The following IL13RA1 variants were observed in gnomAD, a reference collection of about 807,000 sequenced individuals.
IL13RA1 encodes the protein interleukin-13 receptor subunit alpha-1.
IL13RA1 carries 14 observed loss-of-function variants against 33.8 expected under a neutral mutation model. The ratio of observed to expected loss-of-function variants is 0.41; its 90% CI spans 0.27 to 0.65. The LOEUF (loss-of-function observed/expected upper bound fraction) is 0.65, where lower values mean the gene tolerates loss of function less well. IL13RA1 is among the 30% of genes least tolerant of loss of function. IL13RA1 has a pLI of 0.28. For synonymous variants in IL13RA1, 116 were observed against 115.7 expected, an observed-to-expected ratio of 1.00 and a Z score of -0.02; for missense variants, 313 against 327.0, an observed-to-expected ratio of 0.96 and a Z score of 0.33.
chrX:118,748,057 T>C (rs1043057682), intron 3 of IL13RA1, among the ~76,000 whole-genome samples: 5 of 101,201 alleles, frequency 4.9e-5, no homozygotes, highest in African/African-American at 1.4e-4. Context: ...AAAAAACATA[T>C]ATATATAACA....
At chrX:118,776,564 G>A (rs1391519871) in intron 10 of IL13RA1, 53 bp downstream of exon 10, 4 of 273,573 alleles carry the variant, frequency 1.5e-5, no homozygotes, top group Non-Finnish European at 1.9e-5. Flanking sequence ...TTTTTTTTTG[G>A]AAGCTATGGC....
chrX:118,766,591 A>G lies in IL13RA1; in HGVS notation c.876+14A>G. ...AGAAATGTGGAGGTCAGTAAATTCA[A>G]CATTAGCTATTTGGGTTTAGACTTA... On this transcript the variant is annotated intron_variant, in intron 7 of 10. Transcript: ENST00000371666. The G allele has an allele frequency of 1.0e-6, 1 of 972,871 alleles. No homozygotes were observed. Among genetic ancestry groups the G allele is most frequent in the Non-Finnish European group, 1.5e-6 (1 of 678,739 alleles). The allele number at this position is 972,871 out of a possible 1,213,427, so 80.2% of individuals were successfully genotyped here.
chrX:118,753,639 A>C (rs1443861140), intron 4 of IL13RA1, among the ~76,000 whole-genome samples: 1 of 113,062 alleles, frequency 8.8e-6, no homozygotes, highest in African/African-American at 3.2e-5. Flanking sequence ...CCATCCCCCC[A>C]TGTCAGCCTC....
intron 1 of IL13RA1, among the ~76,000 whole-genome samples, chrX:118,734,672 G>A (rs1229906663): frequency 4.5e-5 from 5 of 111,818 alleles, no homozygotes; most frequent in Non-Finnish European, 9.4e-5. Flanking sequence ...AATCCCACTT[G>A]GTCATGGTCT....
At chrX:118,768,034 CTT>C (rs1365032397) in intron 8 of IL13RA1, among the ~76,000 whole-genome samples, 4 of 111,573 alleles carry the variant, frequency 3.6e-5, no homozygotes, top group Non-Finnish European at 7.5e-5. Flanking sequence ...GGTAAAGTAA[CTT>C]TGAGGAGTCA....
intron 4 of IL13RA1, among the ~76,000 whole-genome samples, chrX:118,753,618 C>G (rs1019313051): frequency 1.8e-5 from 2 of 113,262 alleles, no homozygotes; most frequent in East Asian, 5.5e-4. Context: ...CTTCAACCAC[C>G]CAGGCCCAAG....
chrX:118,780,007 G>A (rs1301554144), intron 10 of IL13RA1, among the ~76,000 whole-genome samples: 3 of 111,776 alleles, frequency 2.7e-5, no homozygotes, highest in East Asian at 2.8e-4. Context: ...ATTTGGTGAC[G>A]CAAATATACT....
At chrX:118,740,023 G>A (rs1163219071) in intron 1 of IL13RA1, among the ~76,000 whole-genome samples, 3 of 112,053 alleles carry the variant, frequency 2.7e-5, no homozygotes, top group Non-Finnish European at 3.8e-5. Flanking sequence ...TCACTGCAGC[G>A]GCATGATCTT....
intron 8 of IL13RA1, among the ~76,000 whole-genome samples, chrX:118,771,674 T>A (rs1381228365): frequency 8.9e-6 from 1 of 112,350 alleles, no homozygotes; most frequent in African/African-American, 3.2e-5. Flanking sequence ...AATGAATTTT[T>A]AAAAAATCAC....
chrX:118,733,611 TTTAA>T (rs1159796429), intron 1 of IL13RA1, among the ~76,000 whole-genome samples: 1 of 112,064 alleles, frequency 8.9e-6, no homozygotes, highest in Non-Finnish European at 1.9e-5. Flanking sequence ...ATGCACACGT[TTTAA>T]TTTTTTCCAT....
At chrX:118,728,062 C>T (rs1019598293) in intron 1 of IL13RA1, among the ~76,000 whole-genome samples, 3 of 112,658 alleles carry the variant, frequency 2.7e-5, no homozygotes, top group Non-Finnish European at 5.6e-5. Context: ...GGCGGGGGGC[C>T]CGAAACATGC....
At position 118,793,389 on chromosome X, in the gene IL13RA1, G is replaced by C. The variant is rs1218609168; in HGVS notation, c.*1535G>C. On this transcript the variant is annotated 3_prime_UTR_variant, in exon 11 of 11. Transcript: ENST00000371666. ...CTATTTCTCTTTCTTTACAAGATGGGTCCAGGATTCCTCTTTTCTCTGCCA... is the reference window on the plus strand; with the variant it reads ...CTATTTCTCTTTCTTTACAAGATGGCTCCAGGATTCCTCTTTTCTCTGCCA... 8.9e-6 allele frequency: 1 copy of C among 112,009 alleles called. No homozygotes were observed. Among genetic ancestry groups the C allele is most frequent in the Non-Finnish European group, 1.9e-5 (1 of 53,191 alleles). The allele number at this position is 112,009 out of a possible 1,213,427, so 9.2% of individuals were successfully genotyped here.
At chrX:118,761,601 A>G (rs1176317979) in intron 6 of IL13RA1, 1 of 142,061 alleles carries the variant, frequency 7.0e-6, no homozygotes, top group Non-Finnish European at 1.4e-5. Flanking sequence ...TGCTAGGGAT[A>G]AGGCAGTGAA....
Position 118,741,096 on chromosome X carries a change from G to A in IL13RA1, c.168G>A (p.Glu56=). ...CTVIWTWNPP[E]GASSNCSLWY... Reference sequence around the variant, plus strand: ...TAATATGGACATGGAATCCACCCGAGGGAGCCAGCTCAAATTGTAGTCTAT... The same window carrying A: ...TAATATGGACATGGAATCCACCCGAAGGAGCCAGCTCAAATTGTAGTCTAT... The change falls in exon 2 of 11, where the codon GAG becomes GAA. Residue 56 remains glutamate (E), a synonymous_variant. Transcript: ENST00000371666. 8.7e-7 allele frequency: 1 copy of A among 1,146,500 alleles called. No individual in the cohort carries two copies. The allele number at this position is 1,146,500 out of a possible 1,213,427, so 94.5% of individuals were successfully genotyped here.
At chrX:118,799,174 A>G (rs1247409438), downstream of IL13RA1, among the ~76,000 whole-genome samples, 1 of 113,064 alleles carries the variant, frequency 8.8e-6, no homozygotes, top group African/African-American at 3.2e-5. Flanking sequence ...TTTCTCACCG[A>G]GCCTTAGCTG....
At chrX:118,778,474 C>T (rs766376150) in intron 10 of IL13RA1, among the ~76,000 whole-genome samples, 171 of 111,328 alleles carry the variant, frequency 1.5e-3, no homozygotes, top group African/African-American at 5.4e-3. Flanking sequence ...AGTTGAGTCA[C>T]AGTCAACTGG....
At chrX:118,761,747 G>T (rs1156278365) in intron 6 of IL13RA1, among the ~76,000 whole-genome samples, 1 of 111,882 alleles carries the variant, frequency 8.9e-6, no homozygotes, top group Non-Finnish European at 1.9e-5. Flanking sequence ...CTGGGAGAAC[G>T]AGAGGGAATA....
intron 8 of IL13RA1, chrX:118,770,552 C>T: frequency 1.9e-6 from 1 of 525,585 alleles, no homozygotes; most frequent in Non-Finnish European, 3.3e-6. Flanking sequence ...ATGCGCATGG[C>T]AGCGCTGCCC....
In IL13RA1 at chrX:118,758,189, A is replaced by G; in HGVS notation, c.623A>G (p.Asp208Gly). 5 of 1,134,671 alleles carry G rather than the reference A, an allele frequency of 4.4e-6. No individual in the cohort carries two copies. The East Asian group carries it at 1.5e-4, about 34-fold the overall frequency. 93.5% of individuals were successfully genotyped at this position (1,134,671 alleles called of 1,213,427 possible). Residue 208 changes from aspartate to glycine, a missense_variant, in exon 5 of 11, where the codon GAT becomes GGT. Coordinates refer to ENST00000371666, the MANE Select transcript of IL13RA1 (RefSeq NM_001560.3). Reference sequence around the variant, plus strand: ...CACAGTGTCCAAATAATGGTCAAGGATAATGCAGGAAAAATTAAACCATCC... The same window carrying G: ...CACAGTGTCCAAATAATGGTCAAGGGTAATGCAGGAAAAATTAAACCATCC... ...EQHSVQIMVK[D>G]NAGKIKPSFN...
Sources: gnomAD v4.1 joint callset for allele counts (sites outside exome capture counted in the v4.1 genomes callset) on GRCh38, gnomAD v4.1.1 for gene constraint, MANE v1.5 for transcripts, NCBI Gene and HGNC (gene_info 2026-07-23, HGNC 2026-07-21) for gene names.